The following MLF1 variants were observed in gnomAD, a reference collection of about 807,000 sequenced individuals.
The protein encoded by MLF1 is myeloid leukemia factor 1.
In MLF1, 37 loss-of-function variants were observed where a neutral mutation model predicts 38.3. The ratio of observed to expected loss-of-function variants is 0.96; its 90% CI spans 0.74 to 1.27. MLF1 has a LOEUF of 1.27. MLF1 is among the 50% of genes most tolerant of loss of function. MLF1 has a pLI of 0.00. For missense variants in MLF1, 331 were observed against 349.2 expected (o/e 0.95, Z 0.42); for synonymous variants, 95 against 106.5 (o/e 0.89, Z 0.66).
rs1024860116 is a variant in MLF1 at position 158,606,381 on chromosome 3, T to A, written c.*1179T>A. On this transcript the variant is annotated 3_prime_UTR_variant, in exon 8 of 8. Coordinates refer to ENST00000466246, the MANE Select transcript of MLF1 (RefSeq NM_001369783.1). ...CTATGTTCATACTTCTCTAATTTTT[T>A]ATATAATATTTTTGTTAATTTTACT... 1.2e-5 allele frequency: 2 copies of A among 163,650 alleles called. No individual in the cohort carries two copies. The highest frequency in any genetic ancestry group is 4.8e-5 in the African/African-American group (2 of 41,874). 10.1% of individuals were successfully genotyped at this position (163,650 alleles called of 1,614,324 possible).
rs575070901 is a variant in MLF1, at chr3:158,572,779, G to A, written c.47+1432G>A. On this transcript the variant is annotated intron_variant, in intron 1 of 7. Coordinates refer to ENST00000466246, the MANE Select transcript of MLF1 (RefSeq NM_001369783.1). ...CAGAGGAGAGTTGATGGCGTGCAGT[G>A]GGGGGAGGAGGGTTTGGGGGCGTGA... is the stretch of plus-strand genomic sequence containing the variant. Among the ~76,000 whole-genome samples, 6 of 143,582 alleles carry A rather than the reference G, an allele frequency of 4.2e-5. No individual in the cohort carries two copies. In the East Asian group the frequency reaches 1.3e-3, roughly 31 times the overall value. The allele number at this position is 143,582 out of a possible 152,430, so 94.2% of individuals were successfully genotyped here.
Position 158,605,463 on chromosome 3 carries a change from T to C in MLF1, c.*261T>C, listed in dbSNP as rs1720398401. The C allele has an allele frequency of 7.2e-6, 2 of 279,148 alleles. No individual in the cohort carries two copies. Among genetic ancestry groups the C allele is most frequent in the Admixed American group, 9.9e-5 (2 of 20,142 alleles). 17.3% of individuals were successfully genotyped at this position (279,148 alleles called of 1,614,324 possible). On this transcript the variant is annotated 3_prime_UTR_variant, in exon 8 of 8. Coordinates refer to ENST00000466246, the MANE Select transcript of MLF1 (RefSeq NM_001369783.1). ...ACATACTAATTTTTTAAAGCTTATA[T>C]GCTTATTTCGCTTCCCCAGTTGTTT... is the stretch of plus-strand genomic sequence containing the variant.
intron 1 of MLF1, among the ~76,000 whole-genome samples, chr3:158,580,459 C>T (rs114646144): frequency 0.016 from 2,508 of 152,082 alleles, 42 homozygotes; most frequent in Admixed American, 0.069. Context: ...TGAGCTGCTC[C>T]GTGTGTACTA....
chr3:158,606,004 T>G lies in MLF1; in HGVS notation c.*802T>G, dbSNP rs1423718778. The stretch of plus-strand genomic sequence containing the variant: ...AGCTGGAGAGTCCTTGGAGAAACTC[T>G]GCTCAGCTTTTTTGTGACATTTAGA... On this transcript the variant is annotated 3_prime_UTR_variant, in exon 8 of 8. Coordinates refer to ENST00000466246, the MANE Select transcript of MLF1 (RefSeq NM_001369783.1). 1.1e-5 allele frequency: 2 copies of G among 183,514 alleles called. No homozygotes were observed. The highest frequency in any genetic ancestry group is 2.3e-5 in the African/African-American group (1 of 42,622). 11.4% of individuals were successfully genotyped at this position (183,514 alleles called of 1,614,324 possible). A position where few individuals can be genotyped will look rare whatever the true frequency, so the allele number is the denominator to read the frequency against.
intron 1 of MLF1, among the ~76,000 whole-genome samples, chr3:158,575,835 G>A (rs1714516): frequency 6.6e-6 from 1 of 151,868 alleles, no homozygotes; most frequent in African/African-American, 2.4e-5. Context: ...AGAACATTAC[G>A]ATTTTCTAAA....
chr3:158,574,016 C>G (rs970891571), intron 1 of MLF1, among the ~76,000 whole-genome samples: 2 of 152,152 alleles, frequency 1.3e-5, no homozygotes, highest in Admixed American at 1.3e-4. Flanking sequence ...CCAGACTGGT[C>G]TCAAACTCTT....
chr3:158,593,401 T>C lies in MLF1; in HGVS notation c.215T>C (p.Val72Ala). The stretch of plus-strand genomic sequence containing the variant: ...TTCCAGGCAACGAGTTGTTCTCTTG[T>C]GCCTTTTGGCGATTTTGGTGGTATG... ...DSLTATSCSL[V>A]PFGDFGGMHT... Residue 72 changes from valine to alanine, a missense_variant, in exon 3 of 8, where the codon GTG becomes GCG. Val to Ala is a moderately conservative substitution (Grantham distance 64). Coordinates refer to ENST00000466246, the MANE Select transcript of MLF1 (RefSeq NM_001369783.1). 1 of 1,561,922 alleles carries C rather than the reference T, an allele frequency of 6.4e-7. No individual in the cohort carries two copies. Among genetic ancestry groups the C allele is most frequent in the South Asian group, 1.2e-5 (1 of 85,320 alleles).
At chr3:158,578,213 G>A (rs1229414160) in intron 1 of MLF1, among the ~76,000 whole-genome samples, 1 of 152,110 alleles carries the variant, frequency 6.6e-6, no homozygotes, top group East Asian at 1.9e-4. Context: ...TGCTGGCTAA[G>A]CTTTTGCCAC....
At chr3:158,571,368 G>A (rs1714247628) in intron 1 of MLF1, 21 bp downstream of exon 1, 1 of 1,613,084 alleles carries the variant, frequency 6.2e-7, no homozygotes, top group South Asian at 1.1e-5. Context: ...GGAGCCAGGA[G>A]TCCGGGGTCG....
At position 158,571,322 on chromosome 3, in the gene MLF1, A is replaced by G; in HGVS notation, c.22A>G (p.Ser8Gly). 6.2e-7 allele frequency: 1 copy of G among 1,613,072 alleles called. No homozygotes were observed. Among genetic ancestry groups the G allele is most frequent in the Non-Finnish European group, 8.5e-7 (1 of 1,179,856 alleles). Reference protein sequence around the residue: MFRMLNSSFEDDPFFSES... With the variant: MFRMLNSGFEDDPFFSES... Reference sequence around the variant, plus strand: ...CAGAATGTTCAGGATGCTGAACAGCAGTTTTGAGGATGACCCCTTCTTCTC... The same window carrying G: ...CAGAATGTTCAGGATGCTGAACAGCGGTTTTGAGGATGACCCCTTCTTCTC... The change falls in exon 1 of 8, where the codon AGT (serine) becomes GGT (glycine). Residue 8 changes from serine to glycine, a missense_variant. Physicochemically the swap from Ser to Gly is moderately conservative, Grantham distance 56 (BLOSUM62 0). Coordinates refer to ENST00000466246, the MANE Select transcript of MLF1 (RefSeq NM_001369783.1).
chr3:158,596,385 C>A (rs1718881978), intron 3 of MLF1, among the ~76,000 whole-genome samples: 1 of 152,052 alleles, frequency 6.6e-6, no homozygotes, highest in African/African-American at 2.4e-5. Context: ...GCTACTTACT[C>A]GAGGGACAAC....
chr3:158,577,022 G>C (rs993316049), intron 1 of MLF1, among the ~76,000 whole-genome samples: 17 of 152,002 alleles, frequency 1.1e-4, no homozygotes, highest in African/African-American at 3.9e-4. Context: ...AAGCCTCTCA[G>C]CTCTCCATAT....
chr3:158,586,068 G>A (rs192415867), intron 1 of MLF1, among the ~76,000 whole-genome samples: 1 of 152,094 alleles, frequency 6.6e-6, no homozygotes, highest in East Asian at 1.9e-4. Flanking sequence ...GGAGGCTGAG[G>A]CAGGAGAATT....
In MLF1 at chr3:158,597,848, A is replaced by G. The variant is rs115554956; in HGVS notation, c.325-232A>G. Among the ~76,000 whole-genome samples the G allele has an allele frequency of 3.7e-3, 562 of 152,236 alleles. 3 individuals carry two copies. Among genetic ancestry groups the G allele is most frequent in the African/African-American group, 0.013 (543 of 41,550 alleles). On this transcript the variant is annotated intron_variant, in intron 4 of 7. Transcript: ENST00000466246. ...TAGTCTTTGTAACGAGAGTGGGATAATTGTACCTAAAATGGACGACCGTTA... is the reference window on the plus strand; with the variant it reads ...TAGTCTTTGTAACGAGAGTGGGATAGTTGTACCTAAAATGGACGACCGTTA...
intron 7 of MLF1, among the ~76,000 whole-genome samples, chr3:158,603,433 G>T (rs947609309): frequency 1.3e-5 from 2 of 152,150 alleles, no homozygotes; most frequent in African/African-American, 4.8e-5. Flanking sequence ...TACCATATTC[G>T]ATGTGTATTA....
At chr3:158,587,772 G>C (rs941060545) in intron 1 of MLF1, among the ~76,000 whole-genome samples, 2 of 152,178 alleles carry the variant, frequency 1.3e-5, no homozygotes, top group African/African-American at 4.8e-5. Context: ...AGGCCGAGGC[G>C]GGCAGATCAC....
intron 1 of MLF1, among the ~76,000 whole-genome samples, chr3:158,589,442 C>T (rs1717801112): frequency 6.6e-6 from 1 of 151,986 alleles, no homozygotes; most frequent in African/African-American, 2.4e-5. Context: ...AAGCTCTTGA[C>T]TTCGTGATCC....
At chr3:158,601,340 C>T (rs188711774) in intron 6 of MLF1, among the ~76,000 whole-genome samples, 26 of 152,044 alleles carry the variant, frequency 1.7e-4, no homozygotes, top group South Asian at 2.1e-4. Flanking sequence ...GAGGCCAAGG[C>T]GGGCAGATCA....
At chr3:158,582,704 G>C (rs1420923420) in intron 1 of MLF1, 2 of 497,174 alleles carry the variant, frequency 4.0e-6, no homozygotes, top group African/African-American at 4.0e-5. Flanking sequence ...AAAGTGTTGA[G>C]AGGAAAAAAA....
Sources: gnomAD v4.1 joint callset for allele counts (sites outside exome capture counted in the v4.1 genomes callset) on GRCh38, gnomAD v4.1.1 for gene constraint, MANE v1.5 for transcripts, NCBI Gene and HGNC (gene_info 2026-07-23, HGNC 2026-07-21) for gene names.